The following BABAM2 variants were observed in gnomAD, a reference collection of about 807,000 sequenced individuals.
BABAM2 encodes the protein BRISC and BRCA1 A complex member 2, also known as BRISC and BRCA1-A complex member 2.
In BABAM2, 31 loss-of-function variants were observed where a neutral mutation model predicts 54.7. That is an observed-to-expected ratio of 0.57 (90% CI 0.43 to 0.77). The LOEUF (loss-of-function observed/expected upper bound fraction) is 0.77, where lower values mean the gene tolerates loss of function less well. Among genes scored for constraint, BABAM2 ranks in the 30% least tolerant of loss-of-function variants. The probability of loss-of-function intolerance (pLI) is 0.00; values close to 1 mark genes in which losing one functional copy is unlikely to be tolerated. For missense variants in BABAM2, 364 were observed against 455.8 expected (o/e 0.80, Z 1.83); for synonymous variants, 167 against 162.9 (o/e 1.03, Z -0.19).
intron 6 of BABAM2, among the ~76,000 whole-genome samples, chr2:28,076,674 T>C (rs1664714820): frequency 6.6e-6 from 1 of 151,916 alleles, no homozygotes; most frequent in Admixed American, 6.6e-5. Flanking sequence ...TTTTTTGTTT[T>C]GTTTTGTATT....
At chr2:28,204,300 T>C (rs751529440) in intron 7 of BABAM2, among the ~76,000 whole-genome samples, 4 of 152,204 alleles carry the variant, frequency 2.6e-5, no homozygotes, top group Non-Finnish European at 5.9e-5. Flanking sequence ...TAATTTTGTA[T>C]TTGCATTAAG....
chr2:28,075,114 A>C (rs1664534087), intron 6 of BABAM2, among the ~76,000 whole-genome samples: 1 of 152,196 alleles, frequency 6.6e-6, no homozygotes, highest in Admixed American at 6.5e-5. Context: ...AGTCTTAAGA[A>C]GGCAGCTGTT....
intron 4 of BABAM2, among the ~76,000 whole-genome samples, chr2:28,019,223 G>A (rs1032924104): frequency 2.6e-5 from 4 of 152,118 alleles, no homozygotes; most frequent in African/African-American, 9.7e-5. Context: ...GTATATATAT[G>A]CCACATTTTC....
intron 7 of BABAM2, among the ~76,000 whole-genome samples, chr2:28,173,542 C>T (rs1202586660): frequency 6.6e-6 from 1 of 152,228 alleles, no homozygotes; most frequent in African/African-American, 2.4e-5. Flanking sequence ...ACTGCAGTGA[C>T]CCAGCATAGT....
intron 7 of BABAM2, among the ~76,000 whole-genome samples, chr2:28,190,828 CACAA>C (rs1332067416): frequency 1.2e-4 from 18 of 152,266 alleles, no homozygotes; most frequent in Admixed American, 1.1e-3. Flanking sequence ...TTGGGAGAGA[CACAA>C]ACATTCAAAC....
intron 10 of BABAM2, among the ~76,000 whole-genome samples, chr2:28,295,185 A>G (rs1294014592): frequency 1.3e-5 from 2 of 152,212 alleles, no homozygotes; most frequent in African/African-American, 2.4e-5. Flanking sequence ...CCAGCAACTC[A>G]TTTTCTACAA....
intron 4 of BABAM2, among the ~76,000 whole-genome samples, chr2:27,992,862 C>T (rs545008757): frequency 2.0e-5 from 3 of 152,172 alleles, no homozygotes; most frequent in Admixed American, 6.5e-5. Flanking sequence ...TTGCTATTGA[C>T]CATTTTTTAT....
chr2:28,157,775 C>A (rs1454405743), intron 7 of BABAM2, among the ~76,000 whole-genome samples: 1 of 152,140 alleles, frequency 6.6e-6, no homozygotes, highest in African/African-American at 2.4e-5. Context: ...CCATGCCCAG[C>A]TAATTTTTAT....
chr2:28,209,864 T>G (rs1679261741), intron 7 of BABAM2, among the ~76,000 whole-genome samples: 1 of 152,162 alleles, frequency 6.6e-6, no homozygotes, highest in South Asian at 2.1e-4. Context: ...AATTATTTAG[T>G]AAAATAATCT....
intron 6 of BABAM2, among the ~76,000 whole-genome samples, chr2:28,096,375 A>G (rs7568903): frequency 0.089 from 10,821 of 121,678 alleles, 461 homozygotes; most frequent in East Asian, 0.16. Flanking sequence ...ATTGTTGATC[A>G]GCAAAAAAAA....
rs368291456 is a variant in BABAM2 at position 28,311,369 on chromosome 2, T to C, written c.1088+12878T>C. On this transcript the variant is annotated intron_variant, in intron 11 of 11. Coordinates refer to ENST00000379624, the MANE Select transcript of BABAM2 (RefSeq NM_199191.3). ...TCACCAAGGAGAGCAACTTCCTTGC[T>C]TGTGAGTTAGGGTCACGTATTCTCT... Among the ~76,000 whole-genome samples the C allele has an allele frequency of 3.3e-5, 5 of 152,190 alleles. No homozygotes were observed. In the East Asian group the frequency reaches 9.6e-4, roughly 29 times the overall value.
intron 7 of BABAM2, among the ~76,000 whole-genome samples, chr2:28,135,175 G>C (rs994471438): frequency 1.3e-5 from 2 of 152,126 alleles, no homozygotes; most frequent in African/African-American, 4.8e-5. Flanking sequence ...TTGACTTGGT[G>C]GAGAAGGAGC....
intron 7 of BABAM2, among the ~76,000 whole-genome samples, chr2:28,214,883 T>C (rs1406431859): frequency 6.6e-6 from 1 of 151,976 alleles, no homozygotes; most frequent in East Asian, 1.9e-4. Flanking sequence ...ACTGTTGCCC[T>C]CCCCAAGCAC....
At chr2:27,971,715 A>G (rs1397061787) in intron 3 of BABAM2, among the ~76,000 whole-genome samples, 8 of 151,504 alleles carry the variant, frequency 5.3e-5, no homozygotes, top group Non-Finnish European at 1.2e-4. Context: ...TCAATGTTTT[A>G]CTATTTCATG....
chr2:28,114,123 G>A (rs1331250277), intron 6 of BABAM2, among the ~76,000 whole-genome samples: 1 of 152,196 alleles, frequency 6.6e-6, no homozygotes, highest in African/African-American at 2.4e-5. Flanking sequence ...AGACAAGGAT[G>A]TACTCTCTCA....
chr2:28,292,123 T>C (rs1424353267), intron 10 of BABAM2, among the ~76,000 whole-genome samples: 1 of 152,118 alleles, frequency 6.6e-6, no homozygotes, highest in African/African-American at 2.4e-5. Flanking sequence ...CATCTATGAG[T>C]ATCTTCCCTG....
intron 6 of BABAM2, among the ~76,000 whole-genome samples, chr2:28,061,987 G>GGT (rs983009240): frequency 2.5e-4 from 38 of 152,202 alleles, no homozygotes; most frequent in African/African-American, 9.1e-4. Context: ...GGCCAGGTGC[G>GGT]GTGGCTCACG....
intron 5 of BABAM2, among the ~76,000 whole-genome samples, chr2:28,043,003 G>A (rs375952766): frequency 4.7e-4 from 71 of 151,904 alleles, no homozygotes; most frequent in African/African-American, 1.2e-3. Context: ...CAGCCTGGGG[G>A]ACAGAGTGAG....
intron 3 of BABAM2, among the ~76,000 whole-genome samples, chr2:27,945,692 T>G (rs1197938764): frequency 2.6e-5 from 4 of 152,192 alleles, no homozygotes; most frequent in African/African-American, 9.6e-5. Context: ...CACTTTTAAT[T>G]GCTCTGAGCA....
Sources: gnomAD v4.1 joint callset for allele counts (sites outside exome capture counted in the v4.1 genomes callset) on GRCh38, gnomAD v4.1.1 for gene constraint, MANE v1.5 for transcripts, NCBI Gene and HGNC (gene_info 2026-07-23, HGNC 2026-07-21) for gene names.